Variants in BPIFB4 observed in about 807,000 individuals in gnomAD.
BPIFB4 encodes BPI fold-containing family B member 4.
A neutral mutation model predicts 69.2 loss-of-function variants in BPIFB4; 62 were observed. That is an observed-to-expected ratio of 0.90 (90% CI 0.73 to 1.11). The LOEUF (loss-of-function observed/expected upper bound fraction) is 1.11, where lower values mean the gene tolerates loss of function less well. BPIFB4 is among the 50% of genes least tolerant of loss of function. The pLI, the probability that BPIFB4 is intolerant of heterozygous loss-of-function variation, is 0.00. For synonymous variants in BPIFB4, 330 were observed against 332.7 expected (o/e 0.99, Z 0.09); for missense variants, 789 against 792.0 (o/e 1.00, Z 0.04).
chr20:33,092,146 G>T (rs1460301466), intron 10 of BPIFB4, among the ~76,000 whole-genome samples: 1 of 152,136 alleles, frequency 6.6e-6, no homozygotes, highest in Non-Finnish European at 1.5e-5. Context: ...AGAGGAGTCT[G>T]GTCTTTAGAG....
intron 14 of BPIFB4, among the ~76,000 whole-genome samples, chr20:33,102,340 C>A (rs533483396): frequency 6.6e-6 from 1 of 152,248 alleles, no homozygotes; most frequent in Non-Finnish European, 1.5e-5. Context: ...GCCCCACGGG[C>A]AAGCCCGGTC....
At chr20:33,090,934 C>CCTT in intron 10 of BPIFB4, 135 bp downstream of exon 10, 1 of 1,035,768 alleles carries the variant, frequency 9.7e-7, no homozygotes, top group Non-Finnish European at 1.4e-6. Context: ...TAGAAGAAGG[C>CCTT]CTTCTAAGAG....
chr20:33,092,409 C>A, intron 10 of BPIFB4, 49 bp from the exon 11 acceptor site: 1 of 1,534,268 alleles, frequency 6.5e-7, no homozygotes, highest in South Asian at 1.2e-5. Context: ...CAGTCCCCTT[C>A]TTTCCATCTT....
chr20:33,084,048 C>G (rs1249602585), intron 5 of BPIFB4, among the ~76,000 whole-genome samples, 174 bp downstream of exon 5: 2 of 152,124 alleles, frequency 1.3e-5, no homozygotes, highest in Non-Finnish European at 2.9e-5. Context: ...TGGGTCTTGG[C>G]ATGAAACAGT....
intron 12 of BPIFB4, among the ~76,000 whole-genome samples, chr20:33,095,882 G>A (rs1278713456): frequency 1.3e-5 from 2 of 152,104 alleles, no homozygotes; most frequent in Non-Finnish European, 2.9e-5. Context: ...TTGGAACAAA[G>A]GCCTTTCCCA....
intron 9 of BPIFB4, among the ~76,000 whole-genome samples, chr20:33,090,171 A>C (rs1455269074): frequency 6.6e-6 from 1 of 152,188 alleles, no homozygotes; most frequent in African/African-American, 2.4e-5. Flanking sequence ...CACAGCCTCC[A>C]CAGCCACACA....
At chr20:33,087,256 AC>A (rs1164167302) in intron 7 of BPIFB4, among the ~76,000 whole-genome samples, 1 of 151,854 alleles carries the variant, frequency 6.6e-6, no homozygotes, top group Non-Finnish European at 1.5e-5. Context: ...CTCCTATCCC[AC>A]CTCCCTCTGC....
chr20:33,103,093 G>GT, intron 15 of BPIFB4, 79 bp downstream of exon 15: 26 of 1,507,996 alleles, frequency 1.7e-5, no homozygotes, highest in Non-Finnish European at 2.3e-5. Flanking sequence ...TGGTGTTCCT[G>GT]TGAGGCTGGC....
intron 16 of BPIFB4, among the ~76,000 whole-genome samples, chr20:33,106,233 GA>G (rs1982050166): frequency 6.6e-6 from 1 of 152,134 alleles, no homozygotes; most frequent in Non-Finnish European, 1.5e-5. Context: ...CTGACAATCT[GA>G]AAACAAACAG....
At chr20:33,110,636 C>T (rs1429341308) in intron 17 of BPIFB4, among the ~76,000 whole-genome samples, 1 of 152,114 alleles carries the variant, frequency 6.6e-6, no homozygotes, top group East Asian at 1.9e-4. Flanking sequence ...TATTCTGCTT[C>T]TCCAATTCCT....
chr20:33,093,511 C>T (rs1339135522), intron 11 of BPIFB4, among the ~76,000 whole-genome samples: 1 of 150,090 alleles, frequency 6.7e-6, no homozygotes, highest in Non-Finnish European at 1.5e-5. Context: ...ACCCATCCAC[C>T]GTCAACTCAT....
intron 8 of BPIFB4, 122 bp downstream of exon 8, chr20:33,089,151 C>CT: frequency 6.8e-7 from 1 of 1,470,820 alleles, no homozygotes; most frequent in Non-Finnish European, 9.3e-7. Context: ...GAGCCAAGGC[C>CT]TGGGGCATGT....
chr20:33,086,742 G>A (rs552550245), intron 7 of BPIFB4, among the ~76,000 whole-genome samples: 6 of 152,326 alleles, frequency 3.9e-5, no homozygotes, highest in African/African-American at 1.2e-4. Context: ...AACCTGGTGA[G>A]GGGATGAGAG....
At chr20:33,106,390 T>TTTTTTTTG (rs1982057530) in intron 16 of BPIFB4, among the ~76,000 whole-genome samples, 2 of 149,938 alleles carry the variant, frequency 1.3e-5, no homozygotes, top group Admixed American at 6.6e-5. Context: ...TTTTTTTTTT[T>TTTTTTTTG]GAGATGGAGT....
rs144297329 is a variant in BPIFB4, at chr20:33,097,687, T to C, written c.1469T>C (p.Met490Thr). Reference protein sequence around the residue: ...RIQVLNPPSVMLQKDKALVKV... With the variant: ...RIQVLNPPSVTLQKDKALVKV... The stretch of plus-strand genomic sequence containing the variant: ...CAGGTGCTGAACCCACCATCTGTGA[T>C]GCTGCAGAAGGACAAAGCGCTGGTG... Residue 490 changes from methionine to threonine, a missense_variant, in exon 13 of 18, where the codon ATG becomes ACG. Coordinates refer to ENST00000375483, the MANE Select transcript of BPIFB4 (RefSeq NM_182519.3). 1,904 of 1,614,030 alleles carry C rather than the reference T, an allele frequency of 1.2e-3. 26 individuals are homozygous for C. The African/African-American group carries it at 0.021, about 18-fold the overall frequency.
At chr20:33,101,624 C>T (rs376853745) in intron 14 of BPIFB4, among the ~76,000 whole-genome samples, 129 of 152,322 alleles carry the variant, frequency 8.5e-4, no homozygotes, top group African/African-American at 3.0e-3. Context: ...CGGCTCACTG[C>T]AGCCTTGACC....
At chr20:33,106,058 G>C (rs915355188) in intron 16 of BPIFB4, among the ~76,000 whole-genome samples, 1 of 152,198 alleles carries the variant, frequency 6.6e-6, no homozygotes, top group African/African-American at 2.4e-5. Context: ...TACTCCTGCA[G>C]GGTAGATTCA....
Position 33,081,602 on chromosome 20 carries a change from C to A in BPIFB4, c.76C>A (p.Leu26Ile), listed in dbSNP as rs767145060. 5 of 1,551,728 alleles carry A rather than the reference C, an allele frequency of 3.2e-6. No individual in the cohort carries two copies. The highest frequency in any genetic ancestry group is 2.0e-5 in the Admixed American group (1 of 51,012). Residue 26 changes from leucine to isoleucine, a missense_variant, in exon 3 of 18, where the codon CTC (leucine) becomes ATC (isoleucine). Physicochemically the swap from Leu to Ile is conservative, Grantham distance 5. Transcript: ENST00000375483. ...CGTSHETNTV[L>I]RVTKDVLSNA... ...CACCAGCCACGAGACAAACACGGTC[C>A]TCAGGGTGACGAAAGATGTGTTGAG...
chr20:33,098,659 C>A (rs911065235), intron 13 of BPIFB4, among the ~76,000 whole-genome samples: 1 of 150,966 alleles, frequency 6.6e-6, no homozygotes, highest in Non-Finnish European at 1.5e-5. Context: ...GCACGAGAAT[C>A]GCTTGAACCT....
Sources: allele counts gnomAD v4.1 joint callset (sites outside exome capture counted in the v4.1 genomes callset), GRCh38; gene constraint gnomAD v4.1.1; transcripts MANE v1.5; gene names NCBI Gene and HGNC (gene_info 2026-07-23, HGNC 2026-07-21).